GSDMA: variants seen among roughly 807,000 people sequenced by gnomAD.
GSDMA encodes gasdermin-A.
In GSDMA, 55 loss-of-function variants were observed where a neutral mutation model predicts 54.3. The observed-to-expected ratio is 1.01, with a 90% confidence interval of 0.82 to 1.27. The LOEUF is 1.27. GSDMA is among the 50% of genes most tolerant of loss of function. The pLI, the probability that GSDMA is intolerant of heterozygous loss-of-function variation, is 0.00. For synonymous variants in GSDMA, 211 were observed against 224.7 expected (o/e 0.94, Z 0.54); for missense variants, 542 against 542.6 (o/e 1.00, Z 0.01).
intron 3 of GSDMA, among the ~76,000 whole-genome samples, chr17:39,967,552 AC>A (rs1410657100): frequency 6.6e-6 from 1 of 152,208 alleles, no homozygotes; most frequent in Non-Finnish European, 1.5e-5. Flanking sequence ...AATTGTAGGC[AC>A]CAGGAAGATC....
intron 3 of GSDMA, among the ~76,000 whole-genome samples, chr17:39,968,411 G>A (rs1408835731): frequency 3.9e-5 from 5 of 128,768 alleles, no homozygotes; most frequent in African/African-American, 1.2e-4. Flanking sequence ...GCAGTGACAC[G>A]ATACCAGGTC....
At chr17:39,971,056 G>C (rs1433768481) in intron 4 of GSDMA, among the ~76,000 whole-genome samples, 1 of 152,230 alleles carries the variant, frequency 6.6e-6, no homozygotes, top group Admixed American at 6.5e-5. Flanking sequence ...ATAAGGAATG[G>C]TCTCCATACC....
intron 2 of GSDMA, 151 bp from the exon 3 acceptor site, chr17:39,966,109 T>A: frequency 1.2e-6 from 1 of 858,748 alleles, no homozygotes; most frequent in Non-Finnish European, 1.8e-6. Flanking sequence ...TTTGTTTTTG[T>A]AGAGATGGGT....
In GSDMA at chr17:39,976,107, C is replaced by T. The variant is rs1239505646; in HGVS notation, c.1095+110C>T. The T allele has an allele frequency of 5.6e-6, 4 of 708,390 alleles. No individual in the cohort carries two copies. The African/African-American group carries it at 7.2e-5, about 13-fold the overall frequency. 43.9% of individuals were successfully genotyped at this position (708,390 alleles called of 1,614,324 possible). A position where few individuals can be genotyped will look rare whatever the true frequency, so the allele number is the denominator to read the frequency against. On this transcript the variant is annotated intron_variant, in intron 11 of 11. Transcript: ENST00000301659. ...ATTCTGGAGGATCCCTGTCTTATCC[C>T]AGGGGCTTATGCCCACTCCTCCTTT...
Position 39,966,339 on chromosome 17 carries a change from G to A in GSDMA, c.294G>A (p.Thr98=), listed in dbSNP as rs377562053. The A allele has an allele frequency of 3.9e-5, 63 of 1,613,802 alleles. No individual in the cohort carries two copies. Among genetic ancestry groups the A allele is most frequent in the Non-Finnish European group, 4.7e-5 (56 of 1,179,866 alleles). Residue 98 remains threonine, a synonymous_variant, in exon 3 of 12, where the codon ACG becomes ACA. Transcript: ENST00000301659. ...AGGGAGATGTGGATGTACCAAAGAC[G>A]GTGAAGGTGAAGGGAACGGCAGGGC... ...RVEGDVDVPK[T]VKVKGTAGLS...
intron 8 of GSDMA, 117 bp from the exon 9 acceptor site, chr17:39,974,156 G>A (rs1009694755): frequency 6.5e-6 from 7 of 1,082,978 alleles, no homozygotes; most frequent in Admixed American, 2.9e-5. Flanking sequence ...GGCTCAAACT[G>A]GGGGGTAGAG....
At chr17:39,963,950 A>G (rs1979523151) in intron 1 of GSDMA, among the ~76,000 whole-genome samples, 2 of 152,160 alleles carry the variant, frequency 1.3e-5, no homozygotes, top group African/African-American at 4.8e-5. Context: ...GGCCACATTC[A>G]TTGGTTCTTT....
intron 5 of GSDMA, 27 bp from the exon 6 acceptor site, chr17:39,972,102 C>G: frequency 1.9e-6 from 1 of 530,344 alleles, no homozygotes; most frequent in Non-Finnish European, 3.8e-6. Context: ...AAGTGTCCTC[C>G]CACCCTCCCT....
chr17:39,973,075 G>C (rs958047580), intron 7 of GSDMA, among the ~76,000 whole-genome samples: 1 of 152,070 alleles, frequency 6.6e-6, no homozygotes, highest in Non-Finnish European at 1.5e-5. Flanking sequence ...CGGTTCAAGT[G>C]ATTCTCCTGC....
Position 39,970,542 on chromosome 17 carries a change from TGTGGTGATGGAGGTG to T in GSDMA, c.458_472del (p.Val153_Val157del). 6.2e-7 allele frequency: 1 copy of T among 1,608,474 alleles called. No homozygotes were observed. Among genetic ancestry groups the T allele is most frequent in the Non-Finnish European group, 8.5e-7 (1 of 1,177,086 alleles). On this transcript the variant is annotated inframe_deletion, in exon 4 of 12. Transcript: ENST00000301659. ...TGCAAGATCAAGGGGAGAACCTGTA[TGTGGTGATGGAGGTG>T]GTGGAGACGGTGCAGGAGGTCACAC...
intron 3 of GSDMA, among the ~76,000 whole-genome samples, chr17:39,968,599 C>T (rs913075816): frequency 4.6e-5 from 7 of 151,932 alleles, no homozygotes; most frequent in East Asian, 3.9e-4. Context: ...CCGCCTACCT[C>T]GGCCTCCCAA....
chr17:39,974,554 A>C, intron 9 of GSDMA, 127 bp downstream of exon 9: 1 of 984,936 alleles, frequency 1.0e-6, no homozygotes, highest in Non-Finnish European at 1.5e-6. Context: ...AGGGGAGTCC[A>C]CCTTAGATAC....
At chr17:39,969,274 C>G (rs1288107018) in intron 3 of GSDMA, among the ~76,000 whole-genome samples, 1 of 150,660 alleles carries the variant, frequency 6.6e-6, no homozygotes, top group Non-Finnish European at 1.5e-5. Context: ...CACTTAAGCC[C>G]AAGAGCTCAA....
intron 6 of GSDMA, 73 bp from the exon 7 acceptor site, chr17:39,972,514 C>T (rs1488976536): frequency 1.4e-6 from 2 of 1,415,656 alleles, no homozygotes; most frequent in African/African-American, 2.8e-5. Context: ...ATGAAACTGC[C>T]TTGAAGACTG....
rs28496749 is a variant in GSDMA, at chr17:39,977,292, C to T, written c.*234C>T. 0.41 allele frequency: 23,799 copies of T among 57,818 alleles called. 3,351 individuals are homozygous for T. The highest frequency in any genetic ancestry group is 0.58 in the African/African-American group (11,542 of 20,040). 3.6% of individuals were successfully genotyped at this position (57,818 alleles called of 1,614,324 possible). On this transcript the variant is annotated 3_prime_UTR_variant, in exon 12 of 12. Coordinates refer to ENST00000301659, the MANE Select transcript of GSDMA (RefSeq NM_178171.5). Reference sequence around the variant, plus strand: ...CTTAAATTTTCTTTACTTTTCTTTTCTTTTTTTTTTTTTTTTTGAGATGGA... The same window carrying T: ...CTTAAATTTTCTTTACTTTTCTTTTTTTTTTTTTTTTTTTTTTGAGATGGA...
Position 39,975,967 on chromosome 17 carries a change from G to C in GSDMA, c.1065G>C (p.Glu355Asp). The change falls in exon 11 of 12, where the codon GAG becomes GAC. Residue 355 changes from glutamate to aspartate, a missense_variant. Coordinates refer to ENST00000301659, the MANE Select transcript of GSDMA (RefSeq NM_178171.5). ...AQQKLLVKSM[E>D]KKILPVQLKL... ...AGAAGCTGCTGGTGAAATCCATGGA[G>C]AAAAAGATCCTACCCGTGCAGCTAA... 1 of 1,600,384 alleles carries C rather than the reference G, an allele frequency of 6.2e-7. No homozygotes were observed. The highest frequency in any genetic ancestry group is 8.5e-7 in the Non-Finnish European group (1 of 1,173,356).
Position 39,976,833 on chromosome 17 carries a change from A to C in GSDMA, c.1113A>C (p.Glu371Asp). ...CCCTCCAGGTGGAGAGCACGATGGA[A>C]CAGAACTTCCTGCTGGATAAAGAGG... The part of the protein sequence containing the change: ...VQLKLVESTM[E>D]QNFLLDKEGV... Residue 371 changes from glutamate (E) to aspartate (D), a missense_variant, in exon 12 of 12, where the codon GAA becomes GAC. By Grantham distance (45) the Glu-to-Asp change is conservative. Coordinates refer to ENST00000301659, the MANE Select transcript of GSDMA (RefSeq NM_178171.5). 1 of 1,613,944 alleles carries C rather than the reference A, an allele frequency of 6.2e-7. No individual in the cohort carries two copies. The highest frequency in any genetic ancestry group is 8.5e-7 in the Non-Finnish European group (1 of 1,179,886).
At chr17:39,972,317 C>G (rs373037529) in intron 6 of GSDMA, 141 bp downstream of exon 6, 23 of 598,558 alleles carry the variant, frequency 3.8e-5, no homozygotes, top group East Asian at 2.7e-4. Flanking sequence ...CTAAGAATAC[C>G]TAGCCTCAAC....
At chr17:39,963,914 C>T (rs1451972448) in intron 1 of GSDMA, among the ~76,000 whole-genome samples, 2 of 152,186 alleles carry the variant, frequency 1.3e-5, no homozygotes, top group East Asian at 3.9e-4. Context: ...CTCCAGGGCC[C>T]TCTCATCCTA....
Sources: gnomAD v4.1 joint callset for allele counts (sites outside exome capture counted in the v4.1 genomes callset) on GRCh38, gnomAD v4.1.1 for gene constraint, MANE v1.5 for transcripts, NCBI Gene and HGNC (gene_info 2026-07-23, HGNC 2026-07-21) for gene names.